The following MFSD6 variants were observed in gnomAD, a reference collection of about 807,000 sequenced individuals.
MFSD6 encodes major facilitator superfamily domain-containing protein 6.
Under a neutral mutation model 56.3 loss-of-function variants are expected in MFSD6, and 26 were observed. The ratio of observed to expected loss-of-function variants is 0.46; its 90% CI spans 0.34 to 0.64. The LOEUF (loss-of-function observed/expected upper bound fraction) is 0.64, where lower values mean the gene tolerates loss of function less well. MFSD6 is among the 30% of genes least tolerant of loss of function. The pLI is 0.01. For missense variants in MFSD6, 750 were observed against 986.2 expected (o/e 0.76, Z 3.21); for synonymous variants, 331 against 366.9 (o/e 0.90, Z 1.12).
At chr2:190,419,046 C>T (rs1690905121) in intron 2 of MFSD6, among the ~76,000 whole-genome samples, 1 of 152,226 alleles carries the variant, frequency 6.6e-6, no homozygotes, top group Non-Finnish European at 1.5e-5. Flanking sequence ...TTGCACAGAT[C>T]AGTGCCCTTG....
chr2:190,455,018 T>C (rs1483090404), intron 3 of MFSD6, among the ~76,000 whole-genome samples: 1 of 146,752 alleles, frequency 6.8e-6, no homozygotes, highest in East Asian at 1.9e-4. Flanking sequence ...TGTATATGTA[T>C]ATGTGTGTTG....
chr2:190,411,385 C>A, intron 1 of MFSD6: 3 of 695,242 alleles, frequency 4.3e-6, no homozygotes, highest in Non-Finnish European at 5.3e-6. Context: ...GTCTCCATCT[C>A]CTGACCTCAT....
intron 1 of MFSD6, chr2:190,411,489 AT>A: frequency 1.0e-6 from 1 of 985,404 alleles, no homozygotes; most frequent in South Asian, 4.7e-5. Flanking sequence ...GTGAGACAAG[AT>A]GGAGAAAAGA....
intron 4 of MFSD6, among the ~76,000 whole-genome samples, chr2:190,482,870 T>TG: frequency 8.3e-5 from 1 of 12,048 alleles, no homozygotes; most frequent in African/African-American, 2.6e-4. Flanking sequence ...ACTATCATCT[T>TG]TTTTTTTTTT....
chr2:190,444,797 C>A (rs1686512267), intron 3 of MFSD6: 6 of 485,208 alleles, frequency 1.2e-5, no homozygotes, highest in Non-Finnish European at 1.6e-5. Flanking sequence ...CTAAAACCAT[C>A]CTCCATTTCA....
At position 190,485,286 on chromosome 2, in the gene MFSD6, T is replaced by C. The variant is rs1294519167; in HGVS notation, c.1631-3371T>C. ...TAGAATTGTTTTTTATCTAGAATTATAATAAATATATTTTAATGTTTTGGT... is the reference window on the plus strand; with the variant it reads ...TAGAATTGTTTTTTATCTAGAATTACAATAAATATATTTTAATGTTTTGGT... On this transcript the variant is annotated intron_variant, in intron 4 of 7. Transcript: ENST00000392328. The surrounding 1 kb of genome is among the most constrained non-coding windows in gnomAD (Gnocchi z 5.1). Among the ~76,000 whole-genome samples, 1 of 152,206 alleles carries C rather than the reference T, an allele frequency of 6.6e-6. No homozygotes were observed. Among genetic ancestry groups the C allele is most frequent in the Non-Finnish European group, 1.5e-5 (1 of 68,022 alleles).
chr2:190,497,427 T>A lies in MFSD6; in HGVS notation c.1892-12T>A, dbSNP rs1308299287. ...TGCTGAAAAAATAGTTTAAACATTC[T>A]TTTCTCTCCAGACAAGACAATGTTG... is the stretch of plus-strand genomic sequence containing the variant. On this transcript the variant is annotated splice_polypyrimidine_tract_variant and intron_variant, in intron 6 of 7. Coordinates refer to ENST00000392328, the MANE Select transcript of MFSD6 (RefSeq NM_017694.4). This position sits in a 1 kb window ranked among gnomAD's most constrained non-coding sequence, Gnocchi z 5.2. The A allele has an allele frequency of 6.2e-7, 1 of 1,607,162 alleles. No homozygotes were observed. The highest frequency in any genetic ancestry group is 8.5e-7 in the Non-Finnish European group (1 of 1,175,986).
At position 190,497,859 on chromosome 2, in the gene MFSD6, T is replaced by G; in HGVS notation, c.2172+140T>G. 1 of 993,714 alleles carries G rather than the reference T, an allele frequency of 1.0e-6. No homozygotes were observed. The highest frequency in any genetic ancestry group is 1.5e-6 in the Non-Finnish European group (1 of 684,808). 61.6% of individuals were successfully genotyped at this position (993,714 alleles called of 1,614,324 possible). A position where few individuals can be genotyped will look rare whatever the true frequency, so the allele number is the denominator to read the frequency against. On this transcript the variant is annotated intron_variant, in intron 7 of 7. Transcript: ENST00000392328. The surrounding 1 kb of genome is among the most constrained non-coding windows in gnomAD (Gnocchi z 5.2). The stretch of plus-strand genomic sequence containing the variant: ...GAAATAGACATGCAAACAATTTCAG[T>G]ACTCTGTGAGCACTGAGTTAAAGAG...
At position 190,489,721 on chromosome 2, in the gene MFSD6, T is replaced by G. The variant is rs1388958219; in HGVS notation, c.1793-47T>G. On this transcript the variant is annotated intron_variant, in intron 5 of 7. Transcript: ENST00000392328. The surrounding 1 kb of genome is among the most constrained non-coding windows in gnomAD (Gnocchi z 6.6). ...AACTGATGGTTTTAGATGAGCGCTA[T>G]CTGCATTTCTTGGAATTACTCTATA... 2 of 1,542,066 alleles carry G rather than the reference T, an allele frequency of 1.3e-6. No homozygotes were observed. Among genetic ancestry groups the G allele is most frequent in the Middle Eastern group, 3.4e-4 (2 of 5,898 alleles).
At chr2:190,482,886 T>TG (rs1210975692) in intron 4 of MFSD6, among the ~76,000 whole-genome samples, 1 of 41,216 alleles carries the variant, frequency 2.4e-5, no homozygotes, top group Admixed American at 3.2e-4. Flanking sequence ...TTTTTTTTTT[T>TG]TTTTTTTTTT....
intron 4 of MFSD6, among the ~76,000 whole-genome samples, chr2:190,474,858 CT>C (rs1282214067): frequency 6.6e-6 from 1 of 152,160 alleles, no homozygotes; most frequent in East Asian, 1.9e-4. Flanking sequence ...CATCAAAAAG[CT>C]TATCCACCAT....
Position 190,437,286 on chromosome 2 carries a change from C to G in MFSD6, c.1257C>G (p.Ser419=). ...TGGAAAGGAACAACTCTACAGAGTCCTCTGAGGAGACACCAACCACCACAA... is the reference window on the plus strand; with the variant it reads ...TGGAAAGGAACAACTCTACAGAGTCGTCTGAGGAGACACCAACCACCACAA... ...PQVERNNSTE[S]SEETPTTTSH... is the part of the protein sequence containing the mutation. Residue 419 remains serine, a synonymous_variant, in exon 3 of 8, where the codon TCC becomes TCG. Transcript: ENST00000392328. The surrounding 1 kb of genome is among the most constrained non-coding windows in gnomAD (Gnocchi z 5.9). The G allele has an allele frequency of 6.2e-7, 1 of 1,614,172 alleles. No homozygotes were observed. The highest frequency in any genetic ancestry group is 8.5e-7 in the Non-Finnish European group (1 of 1,180,020).
chr2:190,473,064 C>T (rs1404810933), intron 4 of MFSD6, among the ~76,000 whole-genome samples: 4 of 152,054 alleles, frequency 2.6e-5, no homozygotes, highest in Admixed American at 2.6e-4. Context: ...CCAGACCTGC[C>T]CTAAAAGAGC....
Position 190,410,841 on chromosome 2 carries a change from A to T in MFSD6, c.-176+2338A>T, listed in dbSNP as rs570875945. On this transcript the variant is annotated intron_variant, in intron 1 of 7. Transcript: ENST00000392328. The surrounding 1 kb of genome is among the most constrained non-coding windows in gnomAD (Gnocchi z 4.4). ...GGGAGGCCGAGGCAGGTGGATCACG[A>T]AGTCAGGAGTTCAAGACCAGCCTGG... 6.8e-6 allele frequency among the ~76,000 whole-genome samples: 1 copy of T among 146,410 alleles called. No homozygotes were observed. Among genetic ancestry groups the T allele is most frequent in the Non-Finnish European group, 1.5e-5 (1 of 66,452 alleles).
chr2:190,445,457 C>CAAAAA (rs10650684), intron 3 of MFSD6, among the ~76,000 whole-genome samples: 26,465 of 143,370 alleles, frequency 0.18, 3,154 homozygotes, highest in Admixed American at 0.38. Flanking sequence ...GCCCCAATCA[C>CAAAAA]AAAAAAAAAA....
Position 190,500,236 on chromosome 2 carries a change from C to A in MFSD6, c.*18C>A. 1 of 1,613,598 alleles carries A rather than the reference C, an allele frequency of 6.2e-7. No individual in the cohort carries two copies. The highest frequency in any genetic ancestry group is 8.5e-7 in the Non-Finnish European group (1 of 1,179,718). On this transcript the variant is annotated 3_prime_UTR_variant, in exon 8 of 8. Transcript: ENST00000392328. The surrounding 1 kb of genome is among the most constrained non-coding windows in gnomAD (Gnocchi z 5.3). The stretch of plus-strand genomic sequence containing the variant: ...GACACTGAGGGCATCCTGCTCATCT[C>A]ACACCCTGCATGGAATCAGGCTCCT...
At position 190,447,803 on chromosome 2, in the gene MFSD6, G is replaced by A. The variant is rs1686637736; in HGVS notation, c.1532+10242G>A. ...TGTAAGCTATGGAGTCTCAAAAATT[G>A]AAGAATTTATGATCAGGAATTGAAA... On this transcript the variant is annotated intron_variant, in intron 3 of 7. Coordinates refer to ENST00000392328, the MANE Select transcript of MFSD6 (RefSeq NM_017694.4). This position sits in a 1 kb window ranked among gnomAD's most constrained non-coding sequence, Gnocchi z 4.5. Among the ~76,000 whole-genome samples the A allele has an allele frequency of 6.6e-6, 1 of 152,116 alleles. No individual in the cohort carries two copies. The highest frequency in any genetic ancestry group is 1.5e-5 in the Non-Finnish European group (1 of 68,010).
At position 190,459,564 on chromosome 2, in the gene MFSD6, T is replaced by C. The variant is rs1276154640; in HGVS notation, c.1533-10194T>C. 6.6e-6 allele frequency among the ~76,000 whole-genome samples: 1 copy of C among 152,190 alleles called. No individual in the cohort carries two copies. The highest frequency in any genetic ancestry group is 1.5e-5 in the Non-Finnish European group (1 of 68,032). On this transcript the variant is annotated intron_variant, in intron 3 of 7. Transcript: ENST00000392328. The surrounding 1 kb of genome is among the most constrained non-coding windows in gnomAD (Gnocchi z 5.3). ...TATTGTGTCTTCTAAGTGGTTGGGT[T>C]CCATTAATCAAGGTTCTCTTTTGTT...
chr2:190,472,493 G>A (rs1441160473), intron 4 of MFSD6, among the ~76,000 whole-genome samples: 1 of 152,184 alleles, frequency 6.6e-6, no homozygotes, highest in African/African-American at 2.4e-5. Context: ...ATCAGTGATG[G>A]AAGATCAAAT....
Sources: gnomAD v4.1 joint callset for allele counts (sites outside exome capture counted in the v4.1 genomes callset) on GRCh38, gnomAD v4.1.1 for gene constraint, Gnocchi (gnomAD v3.1) non-coding constraint, MANE v1.5 for transcripts, NCBI Gene and HGNC (gene_info 2026-07-23, HGNC 2026-07-21) for gene names.